The following SUCLG2 variants were observed in gnomAD, a reference collection of about 807,000 sequenced individuals.
SUCLG2 encodes the protein succinate--CoA ligase [GDP-forming] subunit beta, mitochondrial.
A neutral mutation model predicts 47.9 loss-of-function variants in SUCLG2; 42 were observed. The ratio of observed to expected loss-of-function variants is 0.88; its 90% CI spans 0.69 to 1.14. SUCLG2 has a LOEUF of 1.14. SUCLG2 is among the 50% of genes most tolerant of loss of function. The pLI, the probability that SUCLG2 is intolerant of heterozygous loss-of-function variation, is 0.00. For synonymous variants in SUCLG2, 195 were observed against 197.3 expected, an observed-to-expected ratio of 0.99 and a Z score of 0.10; for missense variants, 571 against 525.9, an observed-to-expected ratio of 1.09 and a Z score of -0.84.
intron 10 of SUCLG2, among the ~76,000 whole-genome samples, chr3:67,376,961 A>G (rs1702046297): frequency 1.3e-5 from 2 of 152,240 alleles, no homozygotes. Context: ...AGTTTTGGGT[A>G]AATCGTTTAA....
chr3:67,563,842 T>TC (rs764115497), intron 2 of SUCLG2, among the ~76,000 whole-genome samples: 2 of 150,950 alleles, frequency 1.3e-5, no homozygotes, highest in Admixed American at 1.3e-4. Flanking sequence ...GTGCCCGTAG[T>TC]CCCAGCTACT....
intron 10 of SUCLG2, among the ~76,000 whole-genome samples, chr3:67,388,169 C>T (rs1043200850): frequency 3.3e-5 from 5 of 152,138 alleles, no homozygotes; most frequent in Admixed American, 2.0e-4. Context: ...TGTGATAGCT[C>T]AGGATGAGAT....
intron 9 of SUCLG2, among the ~76,000 whole-genome samples, chr3:67,407,377 A>G (rs1575675945): frequency 6.6e-6 from 1 of 152,294 alleles, no homozygotes; most frequent in South Asian, 2.1e-4. Flanking sequence ...GCCATCACTG[A>G]TAACACAAAG....
intron 2 of SUCLG2, among the ~76,000 whole-genome samples, chr3:67,542,396 T>C (rs1447777693): frequency 6.6e-6 from 1 of 152,040 alleles, no homozygotes; most frequent in Non-Finnish European, 1.5e-5. Flanking sequence ...GTAAAGACCA[T>C]CAACACTATG....
At chr3:67,635,471 C>A (rs551687839) in intron 1 of SUCLG2, among the ~76,000 whole-genome samples, 3 of 152,230 alleles carry the variant, frequency 2.0e-5, no homozygotes, top group African/African-American at 7.2e-5. Context: ...CAGACTCAAA[C>A]TGCAAACTCT....
At chr3:67,385,711 T>A (rs554928360) in intron 10 of SUCLG2, among the ~76,000 whole-genome samples, 23 of 152,332 alleles carry the variant, frequency 1.5e-4, no homozygotes, top group Admixed American at 6.5e-4. Context: ...TCACTGGTGG[T>A]CACACAATAA....
At position 67,498,039 on chromosome 3, in the gene SUCLG2, C is replaced by T. The variant is rs535842825; in HGVS notation, c.919+95G>A. 7.2e-4 allele frequency: 949 copies of T among 1,318,246 alleles called. 3 individuals carry two copies. The highest frequency in any genetic ancestry group is 3.9e-3 in the Middle Eastern group (14 of 3,564). 81.7% of individuals were successfully genotyped at this position (1,318,246 alleles called of 1,614,324 possible). A position where few individuals can be genotyped will look rare whatever the true frequency, so the allele number is the denominator to read the frequency against. On this transcript the variant is annotated intron_variant, in intron 8 of 10. Transcript: ENST00000307227. ...TTTCAGCTACAAAAAAACTTATGTGCTTACTTCTTCTTGGTAAGTGACATT... is the reference window on the plus strand; with the variant it reads ...TTTCAGCTACAAAAAAACTTATGTGTTTACTTCTTCTTGGTAAGTGACATT...
chr3:67,435,034 T>C (rs540545333), intron 9 of SUCLG2, among the ~76,000 whole-genome samples: 1 of 152,298 alleles, frequency 6.6e-6, no homozygotes, highest in Non-Finnish European at 1.5e-5. Context: ...AGGTCAATCG[T>C]ATAATAGCTT....
intron 9 of SUCLG2, among the ~76,000 whole-genome samples, chr3:67,477,955 A>G (rs1433958605): frequency 6.6e-6 from 1 of 152,250 alleles, no homozygotes; most frequent in Non-Finnish European, 1.5e-5. Context: ...TAACAGCTTT[A>G]CAAATATTAA....
At chr3:67,582,061 A>G (rs1368121809) in intron 2 of SUCLG2, among the ~76,000 whole-genome samples, 1 of 152,240 alleles carries the variant, frequency 6.6e-6, no homozygotes. Flanking sequence ...AACACTTAAT[A>G]AGTACCAGAG....
chr3:67,512,574 T>C (rs1413250590), intron 6 of SUCLG2, among the ~76,000 whole-genome samples: 1 of 150,982 alleles, frequency 6.6e-6, no homozygotes, highest in Admixed American at 6.6e-5. Flanking sequence ...CACATATATA[T>C]ATATATGTAT....
At chr3:67,383,038 A>G (rs1470544167) in intron 10 of SUCLG2, among the ~76,000 whole-genome samples, 1 of 152,220 alleles carries the variant, frequency 6.6e-6, no homozygotes, top group Non-Finnish European at 1.5e-5. Flanking sequence ...TGTCAGAAAC[A>G]GAATAATTCA....
At chr3:67,400,436 T>C (rs1328310959) in intron 10 of SUCLG2, among the ~76,000 whole-genome samples, 4 of 152,176 alleles carry the variant, frequency 2.6e-5, no homozygotes, top group Non-Finnish European at 4.4e-5. Context: ...GAAACATTTC[T>C]CAGAGTGTTT....
chr3:67,473,572 T>TAAAA (rs760993999), intron 9 of SUCLG2, among the ~76,000 whole-genome samples: 3,300 of 152,304 alleles, frequency 0.022, 41 homozygotes, highest in Middle Eastern at 0.058. Flanking sequence ...AAGAGTCTTT[T>TAAAA]GACTACACGA....
chr3:67,442,365 A>G (rs922489114), intron 9 of SUCLG2, among the ~76,000 whole-genome samples: 2 of 152,134 alleles, frequency 1.3e-5, no homozygotes, highest in Non-Finnish European at 2.9e-5. Context: ...TTCTCAAACT[A>G]TGGTACCTGG....
At chr3:67,592,732 AAAAAC>A (rs1201390226) in intron 2 of SUCLG2, among the ~76,000 whole-genome samples, 2 of 124,410 alleles carry the variant, frequency 1.6e-5, no homozygotes, top group Non-Finnish European at 3.5e-5. Flanking sequence ...AAAAAAAAAA[AAAAAC>A]AACAAAAAAA....
intron 1 of SUCLG2, among the ~76,000 whole-genome samples, chr3:67,628,527 C>A (rs188244360): frequency 2.2e-4 from 34 of 152,310 alleles, no homozygotes; most frequent in Admixed American, 1.8e-3. Flanking sequence ...GGACATGGAA[C>A]TGATATGGTT....
chr3:67,388,679 C>A (rs895890276), intron 10 of SUCLG2, among the ~76,000 whole-genome samples: 1 of 152,204 alleles, frequency 6.6e-6, no homozygotes, highest in Non-Finnish European at 1.5e-5. Context: ...TAAGGAAATG[C>A]AGACTCCTAA....
At chr3:67,416,749 C>T (rs182224428) in intron 9 of SUCLG2, among the ~76,000 whole-genome samples, 1 of 152,110 alleles carries the variant, frequency 6.6e-6, no homozygotes, top group Admixed American at 6.6e-5. Flanking sequence ...CCACATAAAG[C>T]TTAATCAATT....
Sources: gnomAD v4.1 joint callset for allele counts (sites outside exome capture counted in the v4.1 genomes callset) on GRCh38, gnomAD v4.1.1 for gene constraint, MANE v1.5 for transcripts, NCBI Gene and HGNC (gene_info 2026-07-23, HGNC 2026-07-21) for gene names.